The following TM9SF1 variants were observed in gnomAD, a reference collection of about 807,000 sequenced individuals.
TM9SF1 encodes MP70 protein family member.
TM9SF1 carries 25 observed loss-of-function variants against 52.4 expected under a neutral mutation model. The ratio of observed to expected loss-of-function variants is 0.48; its 90% CI spans 0.35 to 0.67. The LOEUF is 0.67. Among genes scored for constraint, TM9SF1 ranks in the 30% least tolerant of loss-of-function variants. TM9SF1 has a pLI of 0.01. For synonymous variants in TM9SF1, 284 were observed against 299.8 expected, an observed-to-expected ratio of 0.95 and a Z score of 0.55; for missense variants, 604 against 780.3, an observed-to-expected ratio of 0.77 and a Z score of 2.69.
At chr14:24,189,841 AG>A (rs781431658) in intron 5 of TM9SF1, 33 bp from the exon 6 acceptor site, 6 of 1,567,934 alleles carry the variant, frequency 3.8e-6, no homozygotes, top group Non-Finnish European at 5.2e-6. Context: ...ACAGCATTAA[AG>A]GGCTGTGCAC....
At chr14:24,190,779 G>C (rs543608067) in intron 4 of TM9SF1, 126 bp from the exon 5 acceptor site, 9 of 743,808 alleles carry the variant, frequency 1.2e-5, no homozygotes, top group Non-Finnish European at 6.4e-6. Flanking sequence ...GCAGACTCAT[G>C]CTCCTGGATG....
chr14:24,189,240 T>C lies in TM9SF1; in HGVS notation c.*175A>G. ...TTAAAAAGTTCAAATATATAATCCT[T>C]ATGTGATAGAGATTTATAATTTCCA... is the stretch of plus-strand genomic sequence containing the variant. On this transcript the variant is annotated 3_prime_UTR_variant, in exon 6 of 6. Transcript: ENST00000261789. 1 of 663,914 alleles carries C rather than the reference T, an allele frequency of 1.5e-6. No homozygotes were observed. The highest frequency in any genetic ancestry group is 2.5e-6 in the Non-Finnish European group (1 of 397,376). 41.1% of individuals were successfully genotyped at this position (663,914 alleles called of 1,614,324 possible).
chr14:24,192,449 G>T lies in TM9SF1; in HGVS notation c.968-93C>A. 6.9e-7 allele frequency: 1 copy of T among 1,454,574 alleles called. No homozygotes were observed. The highest frequency in any genetic ancestry group is 1.3e-5 in the South Asian group (1 of 79,106). The allele number at this position is 1,454,574 out of a possible 1,614,324, so 90.1% of individuals were successfully genotyped here. ...TCAGCCCCCCTTCTCCCAGACCCAG[G>T]GCCTCCAGCAAAACAATCTCCCCCA... On this transcript the variant is annotated intron_variant, in intron 3 of 5. Transcript: ENST00000261789. The surrounding 1 kb of genome is among the most constrained non-coding windows in gnomAD (Gnocchi z 4.0).
In TM9SF1 at chr14:24,190,456, C is replaced by A. The variant is rs778795340; in HGVS notation, c.1351G>T (p.Ala451Ser). The change falls in exon 5 of 6, where the codon GCC becomes TCC. Residue 451 changes from alanine to serine, a missense_variant. Transcript: ENST00000261789. ...FDAPCRTKNI[A>S]REIPPQPWYK... ...CAGGGCTGGGGTGGAATCTCCCGGGCGATGTTCTTGGTGCGACAGGGTGCA... is the reference window on the plus strand; with the variant it reads ...CAGGGCTGGGGTGGAATCTCCCGGGAGATGTTCTTGGTGCGACAGGGTGCA... The A allele has an allele frequency of 1.9e-6, 3 of 1,613,532 alleles. No homozygotes were observed. The highest frequency in any genetic ancestry group is 2.5e-6 in the Non-Finnish European group (3 of 1,179,738).
chr14:24,192,392 C>T lies in TM9SF1; in HGVS notation c.968-36G>A. ...GTAGCGGAAAGCCCAAGTTAGGCCT[C>T]ACCTGTGTCTCTTCTAGCAATTTCA... On this transcript the variant is annotated intron_variant, in intron 3 of 5. Coordinates refer to ENST00000261789, the MANE Select transcript of TM9SF1 (RefSeq NM_006405.7). The surrounding 1 kb of genome is among the most constrained non-coding windows in gnomAD (Gnocchi z 4.0). The T allele has an allele frequency of 6.3e-7, 1 of 1,595,616 alleles. No homozygotes were observed. Among genetic ancestry groups the T allele is most frequent in the South Asian group, 1.1e-5 (1 of 90,424 alleles).
In TM9SF1 at chr14:24,190,356, A is replaced by T. The variant is rs192689400; in HGVS notation, c.1427+24T>A. The T allele has an allele frequency of 1.9e-3, 2,971 of 1,547,328 alleles. 4 individuals carry two copies. The highest frequency in any genetic ancestry group is 2.4e-3 in the Non-Finnish European group (2,732 of 1,145,302). The stretch of plus-strand genomic sequence containing the variant: ...TTGAGGTCAGGAACCTGACAGTAAT[A>T]GCCATGGAATAAAGGGAGGATACCT... On this transcript the variant is annotated intron_variant, in intron 5 of 5. Transcript: ENST00000261789.
At position 24,192,149 on chromosome 14, in the gene TM9SF1, C is replaced by A. The variant is rs779205576; in HGVS notation, c.1153+22G>T. 6.2e-7 allele frequency: 1 copy of A among 1,612,636 alleles called. No homozygotes were observed. The highest frequency in any genetic ancestry group is 8.5e-7 in the Non-Finnish European group (1 of 1,178,836). Reference sequence around the variant, plus strand: ...TCATTCCTAAGTCCAGAAAGGCCCACCAGGGAAAGGAAAGTCCTCACCAGA... The same window carrying A: ...TCATTCCTAAGTCCAGAAAGGCCCAACAGGGAAAGGAAAGTCCTCACCAGA... On this transcript the variant is annotated intron_variant, in intron 4 of 5. Transcript: ENST00000261789. The surrounding 1 kb of genome is among the most constrained non-coding windows in gnomAD (Gnocchi z 4.0).
In TM9SF1 at chr14:24,192,886, C is replaced by T. The variant is rs1402221630; in HGVS notation, c.729G>A (p.Met243Ile). 6.2e-7 allele frequency: 1 copy of T among 1,614,100 alleles called. No homozygotes were observed. The highest frequency in any genetic ancestry group is 8.5e-7 in the Non-Finnish European group (1 of 1,179,994). Reference protein sequence around the residue: ...EIHWLSIINSMVLVFLLVGFV... With the variant: ...EIHWLSIINSIVLVFLLVGFV... Reference sequence around the variant, plus strand: ...AACCCACCAGTAAAAACACAAGCACCATGGAGTTGATGATGGACAACCAAT... The same window carrying T: ...AACCCACCAGTAAAAACACAAGCACTATGGAGTTGATGATGGACAACCAAT... The change falls in exon 3 of 6, where the codon ATG becomes ATA. Residue 243 changes from methionine (M) to isoleucine (I), a missense_variant. By Grantham distance (10) the Met-to-Ile change is conservative. Around this residue, in one of 3 missense-constraint regions of TM9SF1, gnomAD observed 450 missense variants for 560.1 expected, o/e 0.80. Transcript: ENST00000261789. This position sits in a 1 kb window ranked among gnomAD's most constrained non-coding sequence, Gnocchi z 4.0.
chr14:24,194,667 A>G lies in TM9SF1; in HGVS notation c.345+8T>C. The G allele has an allele frequency of 6.2e-7, 1 of 1,611,478 alleles. No homozygotes were observed. Among genetic ancestry groups the G allele is most frequent in the Non-Finnish European group, 8.5e-7 (1 of 1,177,892 alleles). ...GGGCTACGTGATAGCCAATGTGGAG[A>G]GGCTGACCTGTGCAGAACTGAGCTG... On this transcript the variant is annotated splice_region_variant and intron_variant, in intron 2 of 5. Coordinates refer to ENST00000261789, the MANE Select transcript of TM9SF1 (RefSeq NM_006405.7).
At chr14:24,190,069 CA>C in intron 5 of TM9SF1, 1 of 1,355,526 alleles carries the variant, frequency 7.4e-7, no homozygotes, top group Non-Finnish European at 9.5e-7. Flanking sequence ...CTTTGCCTGG[CA>C]CAAAGAGGTA....
In TM9SF1 at chr14:24,192,900, T is replaced by C. The variant is rs2039343988; in HGVS notation, c.715A>G (p.Ile239Val). 3.7e-6 allele frequency: 6 copies of C among 1,614,112 alleles called. No homozygotes were observed. Among genetic ancestry groups the C allele is most frequent in the Non-Finnish European group, 4.2e-6 (5 of 1,180,002 alleles). The part of the protein sequence containing the change: ...PRTLEIHWLS[I>V]INSMVLVFLL... ...AACACAAGCACCATGGAGTTGATGATGGACAACCAATGGATTTCCAGTGTT... is the reference window on the plus strand; with the variant it reads ...AACACAAGCACCATGGAGTTGATGACGGACAACCAATGGATTTCCAGTGTT... The change falls in exon 3 of 6, where the codon ATC (isoleucine) becomes GTC (valine). Residue 239 changes from isoleucine to valine, a missense_variant. Ile to Val is a conservative substitution (Grantham distance 29, BLOSUM62 3). Transcript: ENST00000261789. This position sits in a 1 kb window ranked among gnomAD's most constrained non-coding sequence, Gnocchi z 4.0.
chr14:24,192,761 T>C lies in TM9SF1; in HGVS notation c.854A>G (p.Gln285Arg). Residue 285 changes from glutamine (Q) to arginine (R), a missense_variant, in exon 3 of 6, where the codon CAG (glutamine) becomes CGG (arginine). Gln to Arg is a conservative substitution (Grantham distance 43). Around this residue, in one of 3 missense-constraint regions of TM9SF1, gnomAD observed 450 missense variants for 560.1 expected, o/e 0.80. Transcript: ENST00000261789. The surrounding 1 kb of genome is among the most constrained non-coding windows in gnomAD (Gnocchi z 4.0). ...TSAGSGDDFD[Q>R]GDNGWKIIHT... ...GATAATTTTCCAGCCATTGTCACCC[T>C]GGTCAAAGTCATCACCAGAACCTGC... The C allele has an allele frequency of 6.2e-7, 1 of 1,614,182 alleles. No homozygotes were observed. The highest frequency in any genetic ancestry group is 2.2e-5 in the East Asian group (1 of 44,888).
intron 4 of TM9SF1, 74 bp from the exon 5 acceptor site, chr14:24,190,727 G>T: frequency 7.2e-7 from 1 of 1,379,810 alleles, no homozygotes; most frequent in Non-Finnish European, 9.8e-7. Flanking sequence ...TTACATCCAG[G>T]ACCAAAAGGG....
intron 2 of TM9SF1, among the ~76,000 whole-genome samples, chr14:24,194,068 C>T (rs769231892): frequency 1.3e-5 from 2 of 152,196 alleles, no homozygotes; most frequent in African/African-American, 4.8e-5. Context: ...AGTACCCCCC[C>T]AGCTGTAACA....
chr14:24,189,701 C>T lies in TM9SF1; in HGVS notation c.1535G>A (p.Gly512Glu). 3 of 1,614,158 alleles carry T rather than the reference C, an allele frequency of 1.9e-6. No individual in the cohort carries two copies. Among genetic ancestry groups the T allele is most frequent in the Non-Finnish European group, 1.7e-6 (2 of 1,180,008 alleles). ...FFVFAILLSVGACISIALTYF... is the reference protein window; with the variant it reads ...FFVFAILLSVEACISIALTYF... ...GGTGAGTGCAATGGAGATGCAAGCC[C>T]CCACACTCAGCAGGATGGCGAAGAC... The change falls in exon 6 of 6, where the codon GGG (glycine) becomes GAG (glutamate). Residue 512 changes from glycine to glutamate, a missense_variant. By Grantham distance (98) the Gly-to-Glu change is moderately conservative (BLOSUM62 -2). Coordinates refer to ENST00000261789, the MANE Select transcript of TM9SF1 (RefSeq NM_006405.7).
At position 24,190,669 on chromosome 14, in the gene TM9SF1, C is replaced by A; in HGVS notation, c.1154-16G>T. ...AAGAAAGGCACTGCAGGGATGGGCC[C>A]CCGGAGGGAGGGTCAACACTAGGAG... On this transcript the variant is annotated splice_polypyrimidine_tract_variant and intron_variant, in intron 4 of 5. Coordinates refer to ENST00000261789, the MANE Select transcript of TM9SF1 (RefSeq NM_006405.7). 1 of 1,595,998 alleles carries A rather than the reference C, an allele frequency of 6.3e-7. No homozygotes were observed. The highest frequency in any genetic ancestry group is 1.1e-5 in the South Asian group (1 of 89,030).
Position 24,194,922 on chromosome 14 carries a change from A to T in TM9SF1, c.98T>A (p.Val33Glu). ...GTGHGPGVEG[V>E]THYKAGDPVI... is the part of the protein sequence containing the mutation. ...AGGGTCGCCGGCCTTGTAGTGTGTC[A>T]CGCCTTCCACCCCTGGCCCATGGCC... Residue 33 changes from valine (V) to glutamate (E), a missense_variant, in exon 2 of 6, where the codon GTG (valine) becomes GAG (glutamate). Val to Glu is a moderately radical substitution (Grantham distance 121). This residue lies in a region of TM9SF1 where 47 missense variants were observed against 39.7 expected (regional missense o/e 1.18). Coordinates refer to ENST00000261789, the MANE Select transcript of TM9SF1 (RefSeq NM_006405.7). 1 of 1,614,162 alleles carries T rather than the reference A, an allele frequency of 6.2e-7. No homozygotes were observed. The highest frequency in any genetic ancestry group is 8.5e-7 in the Non-Finnish European group (1 of 1,180,040).
At chr14:24,191,645 A>G (rs2039324242) in intron 4 of TM9SF1, 1 of 153,742 alleles carries the variant, frequency 6.5e-6, no homozygotes, top group South Asian at 2.0e-4. Context: ...TACTTCACAC[A>G]GTTATTGCTG....
chr14:24,190,425 T>G lies in TM9SF1; in HGVS notation c.1382A>C (p.Lys461Thr). The change falls in exon 5 of 6, where the codon AAG becomes ACG. Residue 461 changes from lysine to threonine, a missense_variant. Physicochemically the swap from Lys to Thr is moderately conservative, Grantham distance 78 (BLOSUM62 -1). This residue lies in a region of TM9SF1 where 450 missense variants were observed against 560.1 expected (regional missense o/e 0.80). Transcript: ENST00000261789. ...AREIPPQPWY[K>T]STVIHMTVGG... ...AACAGTCATGTGGATGACAGTAGAC[T>G]TGTACCAGGGCTGGGGTGGAATCTC... 1 of 1,610,880 alleles carries G rather than the reference T, an allele frequency of 6.2e-7. No homozygotes were observed. Among genetic ancestry groups the G allele is most frequent in the Non-Finnish European group, 8.5e-7 (1 of 1,178,042 alleles).
Sources: allele counts gnomAD v4.1 joint callset (sites outside exome capture counted in the v4.1 genomes callset), GRCh38; gene constraint gnomAD v4.1.1; regional missense constraint gnomAD v4.1.1; non-coding constraint Gnocchi (gnomAD v3.1); transcripts MANE v1.5; gene names NCBI Gene and HGNC (gene_info 2026-07-23, HGNC 2026-07-21).